CDH13: variants seen among roughly 807,000 people sequenced by gnomAD.
CDH13 encodes the protein cadherin-13.
A neutral mutation model predicts 63.8 loss-of-function variants in CDH13; 24 were observed. That is an observed-to-expected ratio of 0.38 (90% CI 0.27 to 0.53). CDH13 has a LOEUF of 0.53. Among genes scored for constraint, CDH13 ranks in the 20% least tolerant of loss-of-function variants. The probability of loss-of-function intolerance (pLI) is 0.85; values close to 1 mark genes in which losing one functional copy is unlikely to be tolerated. For synonymous variants in CDH13, 503 were observed against 355.3 expected (o/e 1.42, Z -4.67); for missense variants, 1,049 against 903.1 (o/e 1.16, Z -2.07).
chr16:83,071,590 G>A (rs368955674), intron 3 of CDH13, among the ~76,000 whole-genome samples: 26 of 152,300 alleles, frequency 1.7e-4, no homozygotes, highest in South Asian at 6.2e-4. Flanking sequence ...AGCTGTGGTC[G>A]CTTCCCCTGT....
chr16:83,765,271 A>T (rs1349538908), intron 11 of CDH13, among the ~76,000 whole-genome samples: 1 of 152,180 alleles, frequency 6.6e-6, no homozygotes, highest in Non-Finnish European at 1.5e-5. Flanking sequence ...TGAAACTGTC[A>T]TGTTTAAACA....
intron 5 of CDH13, among the ~76,000 whole-genome samples, chr16:83,224,949 A>G (rs1223369654): frequency 1.3e-5 from 2 of 152,246 alleles, no homozygotes; most frequent in Non-Finnish European, 2.9e-5. Context: ...AGCAGCTAGC[A>G]GGTAAACAGT....
intron 6 of CDH13, among the ~76,000 whole-genome samples, chr16:83,450,070 C>G (rs2072842836): frequency 6.6e-6 from 1 of 152,198 alleles, no homozygotes; most frequent in Non-Finnish European, 1.5e-5. Flanking sequence ...GCCGACATCC[C>G]AACTCTGACC....
intron 2 of CDH13, among the ~76,000 whole-genome samples, chr16:82,916,851 C>G (rs944789661): frequency 6.6e-6 from 1 of 152,140 alleles, no homozygotes; most frequent in African/African-American, 2.4e-5. Flanking sequence ...ATTTGTATTT[C>G]TACATTTTTA....
At chr16:83,370,662 C>A (rs2091350574) in intron 6 of CDH13, among the ~76,000 whole-genome samples, 2 of 152,144 alleles carry the variant, frequency 1.3e-5, no homozygotes, top group African/African-American at 4.8e-5. Context: ...CTGTTGATCC[C>A]TTCTTCGTGT....
intron 11 of CDH13, among the ~76,000 whole-genome samples, chr16:83,752,407 C>G (rs917101370): frequency 5.3e-5 from 8 of 152,178 alleles, no homozygotes; most frequent in Admixed American, 3.3e-4. Flanking sequence ...GATTAAGAAA[C>G]AGACACCAAA....
rs755069072 is a variant in CDH13, at chr16:83,667,128, G to GATGGATGT, written c.1102-3660_1102-3659insGGATGTAT. ...GGATGGATGGATGGATGGATGGATGGATAAATAGATAGATGGATGGCAGGT... is the reference window on the plus strand; with the variant it reads ...GGATGGATGGATGGATGGATGGATGGATGGATGTATAAATAGATAGATGGATGGCAGGT... On this transcript the variant is annotated intron_variant, in intron 8 of 13. Coordinates refer to ENST00000567109, the MANE Select transcript of CDH13 (RefSeq NM_001257.5). Among the ~76,000 whole-genome samples, 1,323 of 147,242 alleles carry GATGGATGT rather than the reference G, an allele frequency of 9.0e-3. 37 individuals are homozygous for GATGGATGT. The highest frequency in any genetic ancestry group is 0.03 in the African/African-American group (1,194 of 40,114).
chr16:82,808,174 G>T (rs2037249513), intron 1 of CDH13, among the ~76,000 whole-genome samples: 2 of 151,758 alleles, frequency 1.3e-5, no homozygotes, highest in South Asian at 4.2e-4. Context: ...AAATGAGAGG[G>T]GATAATTCTA....
At chr16:83,707,516 A>T (rs1371118421) in intron 10 of CDH13, among the ~76,000 whole-genome samples, 1 of 152,200 alleles carries the variant, frequency 6.6e-6, no homozygotes, top group African/African-American at 2.4e-5. Flanking sequence ...TAGCAATAAT[A>T]TCTGTGATAT....
intron 3 of CDH13, among the ~76,000 whole-genome samples, chr16:83,032,900 G>C (rs1337716533): frequency 6.6e-6 from 1 of 152,148 alleles, no homozygotes. Flanking sequence ...ACCAGAAAAG[G>C]TGACCCACTA....
chr16:82,766,560 C>G (rs1467176436), intron 1 of CDH13, among the ~76,000 whole-genome samples: 1 of 152,202 alleles, frequency 6.6e-6, no homozygotes, highest in Non-Finnish European at 1.5e-5. Flanking sequence ...GCTTCATTAT[C>G]TCTCTCCTGA....
intron 5 of CDH13, among the ~76,000 whole-genome samples, chr16:83,305,098 T>C (rs2089842920): frequency 1.3e-5 from 2 of 152,126 alleles, no homozygotes; most frequent in African/African-American, 4.8e-5. Flanking sequence ...GGGGCTGTCC[T>C]GGGGGGACTC....
intron 5 of CDH13, among the ~76,000 whole-genome samples, chr16:83,265,830 A>C (rs1401942138): frequency 6.7e-6 from 1 of 148,814 alleles, no homozygotes; most frequent in African/African-American, 2.5e-5. Flanking sequence ...TGAAGCACTA[A>C]AGGCTCTTTA....
At chr16:83,591,947 C>A (rs1906797533) in intron 7 of CDH13, among the ~76,000 whole-genome samples, 2 of 152,176 alleles carry the variant, frequency 1.3e-5, no homozygotes, top group Non-Finnish European at 2.9e-5. Flanking sequence ...ATTTGACTTT[C>A]AGTCCAAGAC....
chr16:83,420,316 A>G (rs2071679088), intron 6 of CDH13, among the ~76,000 whole-genome samples: 1 of 152,188 alleles, frequency 6.6e-6, no homozygotes, highest in African/African-American at 2.4e-5. Context: ...AGGTCTGGCT[A>G]GACACAAATT....
intron 2 of CDH13, among the ~76,000 whole-genome samples, chr16:82,993,686 G>A (rs1177813907): frequency 6.6e-6 from 1 of 152,140 alleles, no homozygotes; most frequent in Non-Finnish European, 1.5e-5. Context: ...GGACTTAGCT[G>A]AACACGTGTT....
At chr16:83,063,938 A>G (rs2031792276) in intron 3 of CDH13, among the ~76,000 whole-genome samples, 1 of 152,156 alleles carries the variant, frequency 6.6e-6, no homozygotes, top group Non-Finnish European at 1.5e-5. Context: ...GGCAAGTGGA[A>G]GGGACAGAAT....
intron 3 of CDH13, among the ~76,000 whole-genome samples, chr16:83,083,087 T>A (rs1431077001): frequency 6.6e-6 from 1 of 152,242 alleles, no homozygotes; most frequent in Non-Finnish European, 1.5e-5. Context: ...TATTCTTTCA[T>A]GTTCTCTAAA....
At chr16:83,405,400 C>T (rs2092027264) in intron 6 of CDH13, among the ~76,000 whole-genome samples, 1 of 152,164 alleles carries the variant, frequency 6.6e-6, no homozygotes, top group Non-Finnish European at 1.5e-5. Flanking sequence ...AATGTAACCA[C>T]AAGGGTCCTT....
Sources: allele counts gnomAD v4.1 joint callset (sites outside exome capture counted in the v4.1 genomes callset), GRCh38; gene constraint gnomAD v4.1.1; transcripts MANE v1.5; gene names NCBI Gene and HGNC (gene_info 2026-07-23, HGNC 2026-07-21).